The following PRKAG2 variants were observed in gnomAD, a reference collection of about 807,000 sequenced individuals.
PRKAG2 encodes protein kinase AMP-activated non-catalytic subunit gamma 2, also known as 5'-AMP-activated protein kinase subunit gamma-2.
Under a neutral mutation model 69.6 loss-of-function variants are expected in PRKAG2, and 26 were observed. The ratio of observed to expected loss-of-function variants is 0.37; its 90% CI spans 0.27 to 0.52. The LOEUF (loss-of-function observed/expected upper bound fraction) is 0.52, where lower values mean the gene tolerates loss of function less well. PRKAG2 is among the 20% of genes least tolerant of loss of function. The pLI is 0.90. For missense variants in PRKAG2, 557 were observed against 740.0 expected (o/e 0.75, Z 2.87); for synonymous variants, 293 against 285.0 (o/e 1.03, Z -0.28).
At chr7:151,776,198 C>T (rs1041261752) in intron 3 of PRKAG2, among the ~76,000 whole-genome samples, 1 of 152,224 alleles carries the variant, frequency 6.6e-6, no homozygotes, top group African/African-American at 2.4e-5. Flanking sequence ...CAGGCTTGCT[C>T]TGTTCTGAAC....
intron 1 of PRKAG2, among the ~76,000 whole-genome samples, chr7:151,791,557 G>A (rs2077274811): frequency 6.6e-6 from 1 of 152,190 alleles, no homozygotes; most frequent in South Asian, 2.1e-4. Context: ...GACAGCTTTA[G>A]CACTCTGATT....
chr7:151,781,546 T>C lies in PRKAG2; in HGVS notation c.187-115A>G, dbSNP rs1250033151. ...CACATGCGGGCCCCCCATAGTACCC[T>C]CCCAGAGAAACAGCCCTAAGCTCTT... is the stretch of plus-strand genomic sequence containing the variant. On this transcript the variant is annotated intron_variant, in intron 2 of 15. Coordinates refer to ENST00000287878, the MANE Select transcript of PRKAG2 (RefSeq NM_016203.4). The surrounding 1 kb of genome is among the most constrained non-coding windows in gnomAD (Gnocchi z 6.1). 7.7e-7 allele frequency: 1 copy of C among 1,305,482 alleles called. No homozygotes were observed. The highest frequency in any genetic ancestry group is 1.1e-6 in the Non-Finnish European group (1 of 942,540). The allele number at this position is 1,305,482 out of a possible 1,614,324, so 80.9% of individuals were successfully genotyped here.
intron 1 of PRKAG2, chr7:151,809,610 G>A (rs1317518294): frequency 5.4e-6 from 1 of 184,052 alleles, no homozygotes; most frequent in Non-Finnish European, 1.2e-5. Context: ...CGGGCTGCCT[G>A]AGCCCAAATC....
intron 3 of PRKAG2, among the ~76,000 whole-genome samples, chr7:151,685,383 C>A (rs1320784588): frequency 6.6e-6 from 1 of 152,208 alleles, no homozygotes; most frequent in Non-Finnish European, 1.5e-5. Context: ...TTCAGCACCC[C>A]TTTACACTCT....
intron 3 of PRKAG2, among the ~76,000 whole-genome samples, chr7:151,776,415 A>AC (rs11450785): frequency 0.25 from 38,440 of 152,014 alleles, 5,588 homozygotes; most frequent in Admixed American, 0.37. Flanking sequence ...GGGATTTTCT[A>AC]CCAAGGACAT....
chr7:151,658,353 C>T (rs561276636), intron 4 of PRKAG2, among the ~76,000 whole-genome samples: 5 of 151,160 alleles, frequency 3.3e-5, no homozygotes, highest in South Asian at 2.1e-4. Flanking sequence ...GGCGTGGTGG[C>T]GCGTGCCCGT....
chr7:151,662,033 A>G (rs894251670), intron 4 of PRKAG2, among the ~76,000 whole-genome samples: 2 of 152,180 alleles, frequency 1.3e-5, no homozygotes, highest in Non-Finnish European at 2.9e-5. Context: ...TAATTTTTCC[A>G]CCATTTAATG....
In PRKAG2 at chr7:151,565,791, G is replaced by A. The variant is rs1806108899; in HGVS notation, c.1328C>T (p.Thr443Ile). The change falls in exon 12 of 16, where the codon ACT (threonine) becomes ATT (isoleucine). Residue 443 changes from threonine to isoleucine, a missense_variant. Thr to Ile is a moderately conservative substitution (Grantham distance 89). Around this residue, in one of 2 missense-constraint regions of PRKAG2, gnomAD observed 205 missense variants for 383.4 expected, o/e 0.53. Transcript: ENST00000287878. The part of the protein sequence containing the change: ...YHNIAFIHPD[T>I]PIIKALNIFV... ...TATGTTCAAGGCTTTGATGATGGGA[G>A]TGTCTGGATGTATGAAGGCAATGTT... 1 of 1,612,198 alleles carries A rather than the reference G, an allele frequency of 6.2e-7. No homozygotes were observed. The highest frequency in any genetic ancestry group is 8.5e-7 in the Non-Finnish European group (1 of 1,178,214).
chr7:151,557,974 G>T (rs2150961131), intron 15 of PRKAG2: 1 of 984,346 alleles, frequency 1.0e-6, no homozygotes, highest in East Asian at 1.1e-4. Context: ...TTCCACAGTG[G>T]ATTGGCAGGG....
chr7:151,735,966 T>A (rs1338588065), intron 3 of PRKAG2: 1 of 1,536,408 alleles, frequency 6.5e-7, no homozygotes, highest in Admixed American at 2.0e-5. Flanking sequence ...TGTTTCTTGT[T>A]GCTCCTGAGG....
chr7:151,814,911 C>T lies in PRKAG2; in HGVS notation c.115-28370G>A, dbSNP rs945294581. 9.0e-6 allele frequency: 11 copies of T among 1,225,068 alleles called. No individual in the cohort carries two copies. Among genetic ancestry groups the T allele is most frequent in the African/African-American group, 6.2e-5 (4 of 64,372 alleles). 75.9% of individuals were successfully genotyped at this position (1,225,068 alleles called of 1,614,324 possible). A position where few individuals can be genotyped will look rare whatever the true frequency, so the allele number is the denominator to read the frequency against. ...AAGCCAGCAGGAGGGAGGGCTGGACCGGAGCTTTTAAAAAGACAGGCAGCA... is the reference window on the plus strand; with the variant it reads ...AAGCCAGCAGGAGGGAGGGCTGGACTGGAGCTTTTAAAAAGACAGGCAGCA... On this transcript the variant is annotated intron_variant, in intron 1 of 15. Coordinates refer to ENST00000287878, the MANE Select transcript of PRKAG2 (RefSeq NM_016203.4). The surrounding 1 kb of genome is among the most constrained non-coding windows in gnomAD (Gnocchi z 4.8).
intron 5 of PRKAG2, among the ~76,000 whole-genome samples, chr7:151,623,221 G>A (rs1389191875): frequency 1.3e-5 from 2 of 151,850 alleles, no homozygotes; most frequent in African/African-American, 4.8e-5. Context: ...AAAATTGGTT[G>A]GGCATGGTGG....
intron 1 of PRKAG2, among the ~76,000 whole-genome samples, chr7:151,866,625 G>C (rs2080085062): frequency 6.6e-6 from 1 of 152,270 alleles, no homozygotes; most frequent in Non-Finnish European, 1.5e-5. Flanking sequence ...GGAGGAAGAA[G>C]GCTCTCTGGG....
Position 151,807,564 on chromosome 7 carries a change from C to T in PRKAG2, c.115-21023G>A, listed in dbSNP as rs750594581. 14 of 457,724 alleles carry T rather than the reference C, an allele frequency of 3.1e-5. No homozygotes were observed. Among genetic ancestry groups the T allele is most frequent in the South Asian group, 1.2e-4 (8 of 64,574 alleles). 28.4% of individuals were successfully genotyped at this position (457,724 alleles called of 1,614,324 possible). A position where few individuals can be genotyped will look rare whatever the true frequency, so the allele number is the denominator to read the frequency against. ...CAGCACTGCGCCTTCCAGAACCCAG[C>T]GTAGATGCACAGCTGCCACGGAGGT... On this transcript the variant is annotated intron_variant, in intron 1 of 15. Coordinates refer to ENST00000287878, the MANE Select transcript of PRKAG2 (RefSeq NM_016203.4). This position sits in a 1 kb window ranked among gnomAD's most constrained non-coding sequence, Gnocchi z 4.4.
Position 151,814,878 on chromosome 7 carries a change from C to A in PRKAG2, c.115-28337G>T. The A allele has an allele frequency of 8.1e-7, 1 of 1,231,712 alleles. No homozygotes were observed. The highest frequency in any genetic ancestry group is 4.1e-5 in the South Asian group (1 of 24,244). 76.3% of individuals were successfully genotyped at this position (1,231,712 alleles called of 1,614,324 possible). A position where few individuals can be genotyped will look rare whatever the true frequency, so the allele number is the denominator to read the frequency against. ...CGCTGCTGGGGAGGAAACTCCTTAC[C>A]ACACAGCAAGCCAGCAGGAGGGAGG... On this transcript the variant is annotated intron_variant, in intron 1 of 15. Coordinates refer to ENST00000287878, the MANE Select transcript of PRKAG2 (RefSeq NM_016203.4). The surrounding 1 kb of genome is among the most constrained non-coding windows in gnomAD (Gnocchi z 4.8).
intron 7 of PRKAG2, among the ~76,000 whole-genome samples, chr7:151,575,849 A>G (rs924632244): frequency 1.0e-4 from 14 of 135,488 alleles, no homozygotes; most frequent in African/African-American, 2.9e-4. Context: ...ACAACAACAA[A>G]AGCTCCATAA....
intron 3 of PRKAG2, among the ~76,000 whole-genome samples, chr7:151,697,189 C>T (rs890296470): frequency 6.6e-5 from 10 of 152,062 alleles, no homozygotes; most frequent in African/African-American, 1.2e-4. Context: ...TGCTGGGGAA[C>T]GGGGGGTGGT....
At chr7:151,717,649 GA>G (rs2151628779) in intron 3 of PRKAG2, among the ~76,000 whole-genome samples, 1 of 152,332 alleles carries the variant, frequency 6.6e-6, no homozygotes, top group African/African-American at 2.4e-5. Flanking sequence ...ACAGGATGGG[GA>G]GGGCCTGGCA....
chr7:151,719,279 C>A lies in PRKAG2; in HGVS notation c.467-43642G>T, dbSNP rs1796663848. On this transcript the variant is annotated intron_variant, in intron 3 of 15. Coordinates refer to ENST00000287878, the MANE Select transcript of PRKAG2 (RefSeq NM_016203.4). This position sits in a 1 kb window ranked among gnomAD's most constrained non-coding sequence, Gnocchi z 5.2. ...CGGCCCCGGCACGCTCAGCCCTGGT[C>A]CAACTTATCATACAAGTTCTTGGGC... is the stretch of plus-strand genomic sequence containing the variant. Among the ~76,000 whole-genome samples the A allele has an allele frequency of 6.6e-6, 1 of 152,128 alleles. No individual in the cohort carries two copies. The highest frequency in any genetic ancestry group is 2.1e-4 in the South Asian group (1 of 4,790).
Sources: gnomAD v4.1 joint callset for allele counts (sites outside exome capture counted in the v4.1 genomes callset) on GRCh38, gnomAD v4.1.1 for gene constraint, gnomAD v4.1.1 regional missense constraint, Gnocchi (gnomAD v3.1) non-coding constraint, MANE v1.5 for transcripts, NCBI Gene and HGNC (gene_info 2026-07-23, HGNC 2026-07-21) for gene names.